Variants in NTM observed in about 807,000 individuals in gnomAD.
NTM encodes the protein neurotrimin.
In NTM, 13 loss-of-function variants were observed where a neutral mutation model predicts 42.1. That is an observed-to-expected ratio of 0.31 (90% confidence interval 0.20 to 0.49). NTM has a LOEUF of 0.49. Ranked by LOEUF, NTM falls within the 20% of genes least tolerant of loss-of-function variation. NTM has a pLI of 0.99. For synonymous variants in NTM, 187 were observed against 179.2 expected (o/e 1.04, Z -0.35); for missense variants, 373 against 452.8 (o/e 0.82, Z 1.60).
chr11:131,793,109 T>G (rs1158046944), intron 1 of NTM, among the ~76,000 whole-genome samples: 1 of 152,148 alleles, frequency 6.6e-6, no homozygotes, highest in East Asian at 1.9e-4. Flanking sequence ...CCATGATCGA[T>G]CTACATAAAA....
At chr11:131,473,286 C>T (rs1264684865) in intron 1 of NTM, among the ~76,000 whole-genome samples, 1 of 152,054 alleles carries the variant, frequency 6.6e-6, no homozygotes, top group Non-Finnish European at 1.5e-5. Flanking sequence ...GGCATGGCAG[C>T]TCCATGTCCA....
chr11:132,286,515 C>T (rs539471880), intron 4 of NTM, among the ~76,000 whole-genome samples: 5 of 151,824 alleles, frequency 3.3e-5, no homozygotes, highest in South Asian at 2.1e-4. Flanking sequence ...TTTGCCTGTC[C>T]GCCCCCCCCA....
chr11:132,293,565 G>A (rs1342979773), intron 4 of NTM, among the ~76,000 whole-genome samples: 2 of 152,160 alleles, frequency 1.3e-5, no homozygotes, highest in Non-Finnish European at 2.9e-5. Context: ...TGAGACTACA[G>A]GAAATCATAG....
intron 1 of NTM, among the ~76,000 whole-genome samples, chr11:131,564,082 C>A (rs1429147324): frequency 1.3e-5 from 2 of 152,168 alleles, no homozygotes; most frequent in Non-Finnish European, 2.9e-5. Flanking sequence ...CAGAAGCAGA[C>A]ATTTTGTGCA....
intron 1 of NTM, among the ~76,000 whole-genome samples, chr11:131,788,008 A>G (rs2089553162): frequency 6.6e-6 from 1 of 152,088 alleles, no homozygotes; most frequent in Admixed American, 6.5e-5. Context: ...TCTTAGTCCT[A>G]ATTGTGTCTA....
chr11:132,116,621 T>C (rs1431811628), intron 2 of NTM, among the ~76,000 whole-genome samples: 1 of 152,172 alleles, frequency 6.6e-6, no homozygotes, highest in Non-Finnish European at 1.5e-5. Flanking sequence ...GTGTTCCTTC[T>C]ACCTCAAGGA....
chr11:131,992,066 G>T (rs2067123895), intron 2 of NTM, among the ~76,000 whole-genome samples: 1 of 152,118 alleles, frequency 6.6e-6, no homozygotes, highest in South Asian at 2.1e-4. Flanking sequence ...GGTTTTAACT[G>T]CATGGATCCA....
intron 2 of NTM, among the ~76,000 whole-genome samples, chr11:132,113,376 T>G (rs2063481683): frequency 6.6e-6 from 1 of 152,240 alleles, no homozygotes; most frequent in Non-Finnish European, 1.5e-5. Context: ...AAAGCTATCT[T>G]AACATCCTGA....
rs61493262 is a variant in NTM, at chr11:131,925,383, CTTTTTT to C, written c.167+13751_167+13756del. ...TTCCTTTTTTTTTTCTTTCTTTTCT[CTTTTTT>C]TTTTTTTTTTTTTTTAACAGGGTCT... is the stretch of plus-strand genomic sequence containing the variant. On this transcript the variant is annotated intron_variant, in intron 2 of 8. Transcript: ENST00000683400. Among the ~76,000 whole-genome samples, 557 of 111,438 alleles carry C rather than the reference CTTTTTT, an allele frequency of 5.0e-3. 3 individuals are homozygous for C. Among genetic ancestry groups the C allele is most frequent in the Non-Finnish European group, 7.0e-3 (396 of 56,300 alleles). 73.1% of individuals were successfully genotyped at this position (111,438 alleles called of 152,430 possible). A position where few individuals can be genotyped will look rare whatever the true frequency, so the allele number is the denominator to read the frequency against.
intron 1 of NTM, among the ~76,000 whole-genome samples, chr11:131,602,528 A>T (rs2060578327): frequency 6.6e-6 from 1 of 152,234 alleles, no homozygotes; most frequent in South Asian, 2.1e-4. Context: ...ACAATCAGAT[A>T]GTGAAACTAA....
intron 1 of NTM, among the ~76,000 whole-genome samples, chr11:131,667,386 C>T (rs1448125126): frequency 6.6e-6 from 1 of 152,180 alleles, no homozygotes; most frequent in Non-Finnish European, 1.5e-5. Context: ...GAAGACCCTT[C>T]CTTGGGAAAG....
chr11:132,021,754 C>A (rs2074368851), intron 2 of NTM, among the ~76,000 whole-genome samples: 1 of 152,208 alleles, frequency 6.6e-6, no homozygotes, highest in African/African-American at 2.4e-5. Flanking sequence ...TTGTGCTCAA[C>A]CATCTTGAGC....
At chr11:132,005,516 G>A (rs753570897) in intron 2 of NTM, among the ~76,000 whole-genome samples, 12 of 152,128 alleles carry the variant, frequency 7.9e-5, no homozygotes, top group Admixed American at 2.0e-4. Flanking sequence ...AAAGATGAAT[G>A]AATGAATGTT....
intron 1 of NTM, among the ~76,000 whole-genome samples, chr11:131,649,914 G>T (rs2066257999): frequency 6.6e-6 from 1 of 152,100 alleles, no homozygotes; most frequent in Admixed American, 6.5e-5. Flanking sequence ...CAATTCTAAT[G>T]ACCTGCCCAT....
intron 1 of NTM, among the ~76,000 whole-genome samples, chr11:131,531,178 C>T (rs914259047): frequency 6.6e-6 from 1 of 152,188 alleles, no homozygotes. Context: ...ACTTTGTTGC[C>T]AAGGCTAGAT....
chr11:132,150,081 T>A (rs2071510581), intron 3 of NTM, among the ~76,000 whole-genome samples: 1 of 152,128 alleles, frequency 6.6e-6, no homozygotes, highest in Non-Finnish European at 1.5e-5. Flanking sequence ...CACCAACATT[T>A]GCATCTGGAG....
intron 4 of NTM, among the ~76,000 whole-genome samples, chr11:132,303,727 A>G (rs926052978): frequency 6.7e-6 from 1 of 150,076 alleles, no homozygotes; most frequent in Non-Finnish European, 1.5e-5. Context: ...AAAAAAAAAA[A>G]AAAACAATCT....
At chr11:131,482,824 A>G (rs1003602166) in intron 1 of NTM, among the ~76,000 whole-genome samples, 4 of 152,234 alleles carry the variant, frequency 2.6e-5, no homozygotes, top group African/African-American at 9.6e-5. Flanking sequence ...AAGAAAAGGC[A>G]GAAACAGAGC....
chr11:131,859,375 C>T (rs184866696), intron 1 of NTM, among the ~76,000 whole-genome samples: 158 of 152,248 alleles, frequency 1.0e-3, no homozygotes, highest in African/African-American at 3.1e-3. Context: ...GACCTTGGTA[C>T]GGTTGACTTT....
Sources: gnomAD v4.1 joint callset for allele counts (sites outside exome capture counted in the v4.1 genomes callset) on GRCh38, gnomAD v4.1.1 for gene constraint, MANE v1.5 for transcripts, NCBI Gene and HGNC (gene_info 2026-07-23, HGNC 2026-07-21) for gene names.